Variants in PLCB4 observed in about 807,000 individuals in gnomAD.
The protein encoded by PLCB4 is phospholipase C beta 4.
In PLCB4, 77 loss-of-function variants were observed where a neutral mutation model predicts 178.8. The ratio of observed to expected loss-of-function variants is 0.43; its 90% CI spans 0.36 to 0.52. The LOEUF (loss-of-function observed/expected upper bound fraction) is 0.52. Among genes scored for constraint, PLCB4 ranks in the 20% least tolerant of loss-of-function variants. The pLI is 0.00. For synonymous variants in PLCB4, 496 were observed against 490.8 expected, an observed-to-expected ratio of 1.01 and a Z score of -0.14; for missense variants, 1,024 against 1,453.4, an observed-to-expected ratio of 0.70 and a Z score of 4.80.
chr20:9,251,248 C>G (rs2094177077), intron 3 of PLCB4, among the ~76,000 whole-genome samples: 1 of 152,132 alleles, frequency 6.6e-6, no homozygotes, highest in African/African-American at 2.4e-5. Context: ...TTTGTTTGAG[C>G]CCTTGCTAAT....
Position 9,371,261 on chromosome 20 carries a change from A to G in PLCB4, c.551A>G (p.Gln184Arg). 6.2e-7 allele frequency: 1 copy of G among 1,609,750 alleles called. No individual in the cohort carries two copies. Among genetic ancestry groups the G allele is most frequent in the Non-Finnish European group, 8.5e-7 (1 of 1,176,030 alleles). The change falls in exon 10 of 40, where the codon CAA (glutamine) becomes CGA (arginine). Residue 184 changes from glutamine (Q) to arginine (R), a missense_variant. By Grantham distance (43) the Gln-to-Arg change is conservative. Transcript: ENST00000378473. Reference sequence around the variant, plus strand: ...GGAAAAACAGAAAAGGTGATCTTTCAAGCACTCAAGGAGTTAGGTCTTCCC... The same window carrying G: ...GGAAAAACAGAAAAGGTGATCTTTCGAGCACTCAAGGAGTTAGGTCTTCCC... Reference protein sequence around the residue: ...ASGKTEKVIFQALKELGLPSG... With the variant: ...ASGKTEKVIFRALKELGLPSG...
intron 3 of PLCB4, among the ~76,000 whole-genome samples, chr20:9,300,290 G>T (rs1450561633): frequency 6.6e-6 from 1 of 152,052 alleles, no homozygotes; most frequent in Non-Finnish European, 1.5e-5. Context: ...GGGTTATTTG[G>T]TTTAATGGGA....
intron 2 of PLCB4, among the ~76,000 whole-genome samples, chr20:9,206,307 T>TTTTTTTTTTTTTTTTTTTC (rs2093614251): frequency 8.6e-6 from 1 of 116,076 alleles, no homozygotes; most frequent in Non-Finnish European, 1.7e-5. Flanking sequence ...TTCTTTTTTT[T>TTTTTTTTTTTTTTTTTTTC]TTTTTTTTTT....
intron 2 of PLCB4, among the ~76,000 whole-genome samples, chr20:9,177,129 A>G (rs1488022172): frequency 6.6e-6 from 1 of 152,204 alleles, no homozygotes; most frequent in East Asian, 1.9e-4. Flanking sequence ...TGGAGACAGA[A>G]AAAGTCAGAT....
chr20:9,305,061 C>T (rs980018034), intron 3 of PLCB4, among the ~76,000 whole-genome samples: 2 of 129,428 alleles, frequency 1.5e-5, no homozygotes, highest in African/African-American at 5.8e-5. Context: ...CCTGCATTTT[C>T]AAACTTCTTA....
intron 4 of PLCB4, among the ~76,000 whole-genome samples, chr20:9,318,714 G>A (rs1280185791): frequency 2.0e-5 from 3 of 152,202 alleles, no homozygotes; most frequent in African/African-American, 7.2e-5. Flanking sequence ...TGGGAGGTGG[G>A]TTAGCTTAGC....
At chr20:9,234,018 C>T (rs1217334886) in intron 3 of PLCB4, among the ~76,000 whole-genome samples, 1 of 152,040 alleles carries the variant, frequency 6.6e-6, no homozygotes, top group Non-Finnish European at 1.5e-5. Context: ...AAGGCTTATA[C>T]CTAAGTGCTG....
At chr20:9,389,994 G>C in intron 16 of PLCB4, 36 bp downstream of exon 16, 1 of 1,165,486 alleles carries the variant, frequency 8.6e-7, no homozygotes, top group Non-Finnish European at 1.3e-6. Context: ...TCTCTATGTG[G>C]TATTGTTTCC....
chr20:9,332,219 G>A (rs976857477), intron 4 of PLCB4, among the ~76,000 whole-genome samples: 1 of 152,122 alleles, frequency 6.6e-6, no homozygotes, highest in Non-Finnish European at 1.5e-5. Flanking sequence ...CCCAGATCTG[G>A]AGGAGGATTT....
At chr20:9,249,754 A>G (rs1002034924) in intron 3 of PLCB4, among the ~76,000 whole-genome samples, 1 of 152,172 alleles carries the variant, frequency 6.6e-6, no homozygotes, top group Non-Finnish European at 1.5e-5. Context: ...GTCTTTCATA[A>G]GGTGTTAGGG....
At position 9,324,919 on chromosome 20, in the gene PLCB4, G is replaced by A. The variant is rs181762403; in HGVS notation, c.85-12207G>A. On this transcript the variant is annotated intron_variant, in intron 4 of 39. Transcript: ENST00000378473. ...AATGAGAAATGCATATATTTAAAGG[G>A]AAGTTCCATAAAAGTCATTTGAGAT... Among the ~76,000 whole-genome samples, 383 of 152,204 alleles carry A rather than the reference G, an allele frequency of 2.5e-3. 2 individuals are homozygous for A. The highest frequency in any genetic ancestry group is 2.6e-3 in the Non-Finnish European group (178 of 68,002).
intron 3 of PLCB4, among the ~76,000 whole-genome samples, chr20:9,266,804 A>G (rs1348181560): frequency 6.6e-6 from 1 of 152,114 alleles, no homozygotes; most frequent in Non-Finnish European, 1.5e-5. Context: ...ACATTTCTAT[A>G]TTTGTGTGGG....
intron 3 of PLCB4, among the ~76,000 whole-genome samples, chr20:9,261,772 A>G (rs1481015004): frequency 6.6e-6 from 1 of 152,232 alleles, no homozygotes; most frequent in African/African-American, 2.4e-5. Flanking sequence ...TATGGAAGAC[A>G]TATCCAAGGA....
intron 3 of PLCB4, among the ~76,000 whole-genome samples, chr20:9,249,772 A>G (rs1283091334): frequency 2.6e-5 from 4 of 152,162 alleles, no homozygotes; most frequent in African/African-American, 7.2e-5. Context: ...GGGAAACACT[A>G]TCTCAACGTG....
rs6056612 is a variant in PLCB4, at chr20:9,426,404, G to C, written c.2524+2452G>C. ...TGTTTATTTATTTATTTGAGACGGAGTTTTGCTCTTGTCACCCAGGCTGGA... is the reference window on the plus strand; with the variant it reads ...TGTTTATTTATTTATTTGAGACGGACTTTTGCTCTTGTCACCCAGGCTGGA... On this transcript the variant is annotated intron_variant, in intron 28 of 39. Transcript: ENST00000378473. Among the ~76,000 whole-genome samples, 928 of 152,168 alleles carry C rather than the reference G, an allele frequency of 6.1e-3. 7 individuals are homozygous for C. The highest frequency in any genetic ancestry group is 0.021 in the African/African-American group (884 of 41,506).
intron 2 of PLCB4, among the ~76,000 whole-genome samples, chr20:9,131,487 T>C (rs990498819): frequency 1.3e-5 from 2 of 152,180 alleles, no homozygotes; most frequent in African/African-American, 4.8e-5. Flanking sequence ...TGAGTGCAGT[T>C]GGTGGTTAAG....
At chr20:9,139,265 A>G (rs1358414763) in intron 2 of PLCB4, among the ~76,000 whole-genome samples, 1 of 151,914 alleles carries the variant, frequency 6.6e-6, no homozygotes, top group Non-Finnish European at 1.5e-5. Flanking sequence ...TAAAACAACC[A>G]CCACCATTTA....
intron 2 of PLCB4, among the ~76,000 whole-genome samples, chr20:9,202,847 C>G (rs2093563807): frequency 6.6e-6 from 1 of 151,822 alleles, no homozygotes; most frequent in Non-Finnish European, 1.5e-5. Context: ...CCCTTGTTTT[C>G]AATATGGTAC....
chr20:9,451,420 A>G (rs1214179068), intron 32 of PLCB4, among the ~76,000 whole-genome samples: 1 of 152,216 alleles, frequency 6.6e-6, no homozygotes, highest in Middle Eastern at 3.2e-3. Flanking sequence ...CACTTCTGAT[A>G]TATTTTGAGA....
Sources: gnomAD v4.1 joint callset for allele counts (sites outside exome capture counted in the v4.1 genomes callset) on GRCh38, gnomAD v4.1.1 for gene constraint, MANE v1.5 for transcripts, NCBI Gene and HGNC (gene_info 2026-07-23, HGNC 2026-07-21) for gene names.